Variants in NEAT1 observed in about 807,000 individuals in gnomAD.
NEAT1 encodes the protein MENepsilon/beta.
chr11:65,434,029 TTA>T (rs1170755165), exon 1 of NEAT1: 1 of 152,204 alleles, frequency 6.6e-6, no homozygotes, highest in Non-Finnish European at 1.5e-5. Context: ...AGAAAATTTA[TTA>T]TTTTGCATGT....
At chr11:65,438,940 A>G (rs1856689912) in exon 1 of NEAT1, 1 of 152,178 alleles carries the variant, frequency 6.6e-6, no homozygotes, top group Admixed American at 6.5e-5. Context: ...TGGTAACTGT[A>G]TATTTTTGAG....
exon 1 of NEAT1, chr11:65,425,778 C>G (rs1257321928): frequency 6.6e-6 from 1 of 151,266 alleles, no homozygotes; most frequent in Non-Finnish European, 1.5e-5. Context: ...TGTGTTTGGT[C>G]GATATTAATA....
At chr11:65,437,240 C>CAT (rs549653210) in exon 1 of NEAT1, 22 of 128,492 alleles carry the variant, frequency 1.7e-4, no homozygotes, top group South Asian at 2.4e-4. Context: ...TATATATATA[C>CAT]ATATATATAT....
exon 1 of NEAT1, chr11:65,443,358 A>G (rs1337556885): frequency 6.6e-6 from 1 of 152,224 alleles, no homozygotes; most frequent in South Asian, 2.1e-4. Flanking sequence ...ACATGTGCAC[A>G]CACACTCCGC....
At chr11:65,422,950 G>C (rs1482727393) in exon 1 of NEAT1, 1 of 152,810 alleles carries the variant, frequency 6.5e-6, no homozygotes, top group Non-Finnish European at 1.5e-5. Flanking sequence ...TTGGCAAGGA[G>C]ACTAGGTCTA....
chr11:65,444,163 G>C (rs887281317), exon 1 of NEAT1: 2 of 284,666 alleles, frequency 7.0e-6, no homozygotes, highest in Admixed American at 5.1e-5. Context: ...TGAGCAAAGT[G>C]GGGGAGGGGG....
exon 1 of NEAT1, chr11:65,429,369 A>G (rs984829303): frequency 6.6e-6 from 1 of 152,226 alleles, no homozygotes; most frequent in Non-Finnish European, 1.5e-5. Context: ...GCTTTATCAC[A>G]TTGAAAACCT....
At chr11:65,430,382 T>A (rs1441208062) in exon 1 of NEAT1, 1 of 152,224 alleles carries the variant, frequency 6.6e-6, no homozygotes, top group African/African-American at 2.4e-5. Context: ...CTTAATTTTG[T>A]TTCCAGTAGT....
chr11:65,429,457 A>G (rs1404008392), exon 1 of NEAT1: 1 of 150,316 alleles, frequency 6.7e-6, no homozygotes, highest in Admixed American at 6.6e-5. Context: ...GAACATCTCT[A>G]CCTTGTGTCA....
chr11:65,444,347 G>T (rs1260617418), exon 1 of NEAT1: 1 of 442,104 alleles, frequency 2.3e-6, no homozygotes, highest in African/African-American at 2.1e-5. Flanking sequence ...GTGGAGAAAT[G>T]GGGGGCTGAT....
exon 1 of NEAT1, chr11:65,438,973 C>T (rs900237644): frequency 2.6e-5 from 4 of 152,208 alleles, no homozygotes; most frequent in Admixed American, 1.3e-4. Context: ...TATTTTCCCA[C>T]GTCCATGCAC....
chr11:65,445,391 A>C (rs1856757114), exon 1 of NEAT1: 1 of 144,196 alleles, frequency 6.9e-6, no homozygotes, highest in Non-Finnish European at 1.5e-5. Flanking sequence ...TTACAAGGGA[A>C]GTAAGGAAGG....
chr11:65,437,183 T>TTATATATATATGTATA (rs1234975374), exon 1 of NEAT1: 21 of 139,094 alleles, frequency 1.5e-4, no homozygotes, highest in South Asian at 4.3e-4. Context: ...GCTCTTTAGT[T>TTATATATATATGTATA]TATATATATA....
exon 1 of NEAT1, chr11:65,425,295 T>C (rs549957198): frequency 6.6e-6 from 1 of 152,108 alleles, no homozygotes; most frequent in East Asian, 1.9e-4. Context: ...GAGTCACCAG[T>C]TTTCCGAGAA....
chr11:65,436,213 C>G (rs577029241), exon 1 of NEAT1: 1 of 152,398 alleles, frequency 6.6e-6, no homozygotes, highest in South Asian at 2.1e-4. Flanking sequence ...GCATCTGCCT[C>G]GGTGGACTTA....
chr11:65,439,797 C>T (rs527437183), exon 1 of NEAT1: 1 of 152,142 alleles, frequency 6.6e-6, no homozygotes, highest in East Asian at 1.9e-4. Context: ...CCCTATCAGA[C>T]TACAGGTGTT....
At chr11:65,425,597 A>G (rs1856553325) in exon 1 of NEAT1, 1 of 152,158 alleles carries the variant, frequency 6.6e-6, no homozygotes, top group South Asian at 2.1e-4. Flanking sequence ...GTGGGCTTTT[A>G]ACGTATTTAA....
exon 1 of NEAT1, chr11:65,431,249 T>A (rs1161676982): frequency 6.6e-6 from 1 of 152,180 alleles, no homozygotes; most frequent in African/African-American, 2.4e-5. Flanking sequence ...AATAATATTC[T>A]TATTTTATAT....
At chr11:65,435,796 C>T (rs1256446809) in exon 1 of NEAT1, 4 of 152,216 alleles carry the variant, frequency 2.6e-5, no homozygotes, top group South Asian at 2.1e-4. Flanking sequence ...GAGTATAACA[C>T]GGTGCCTGGC....
Sources: gnomAD v4.1 joint callset for allele counts on GRCh38, gnomAD v4.1.1 for gene constraint, MANE v1.5 for transcripts, NCBI Gene and HGNC (gene_info 2026-07-23, HGNC 2026-07-21) for gene names.